Variants in STS observed in about 807,000 individuals in gnomAD.
STS encodes steryl-sulfatase.
STS carries 7 observed loss-of-function variants against 26.8 expected under a neutral mutation model. The ratio of observed to expected loss-of-function variants is 0.26; its 90% CI spans 0.15 to 0.49. The LOEUF (loss-of-function observed/expected upper bound fraction) is 0.49. Among genes scored for constraint, STS ranks in the 20% least tolerant of loss-of-function variants. The probability of loss-of-function intolerance (pLI) is 0.98; values close to 1 mark genes in which losing one functional copy is unlikely to be tolerated. For missense variants in STS, 434 were observed against 465.6 expected (o/e 0.93, Z 0.63); for synonymous variants, 199 against 189.4 (o/e 1.05, Z -0.42).
intron 7 of STS, among the ~76,000 whole-genome samples, chrX:7,278,433 C>T (rs1365875640): frequency 8.9e-6 from 1 of 112,287 alleles, no homozygotes; most frequent in East Asian, 2.8e-4. Flanking sequence ...AGCATGTTCT[C>T]TCCACATGTT....
intron 2 of STS, among the ~76,000 whole-genome samples, chrX:7,220,730 T>C (rs1184929214): frequency 9.2e-6 from 1 of 108,615 alleles, no homozygotes; most frequent in African/African-American, 3.4e-5. Context: ...TTTGTATTTT[T>C]AGTAGAGACG....
intron 1 of STS, among the ~76,000 whole-genome samples, chrX:7,160,770 T>A (rs1315830369): frequency 1.8e-5 from 2 of 111,737 alleles, no homozygotes; most frequent in Non-Finnish European, 3.8e-5. Context: ...TTAACAGTTG[T>A]TTCACTCTTT....
intron 2 of STS, among the ~76,000 whole-genome samples, chrX:7,228,794 A>T (rs1921929861): frequency 8.9e-6 from 1 of 112,202 alleles, no homozygotes; most frequent in African/African-American, 3.2e-5. Context: ...GTATCTTTTG[A>T]TGAATAGAAA....
At chrX:7,223,880 A>G (rs1921685470) in intron 2 of STS, among the ~76,000 whole-genome samples, 1 of 111,389 alleles carries the variant, frequency 9.0e-6, no homozygotes, top group Non-Finnish European at 1.9e-5. Context: ...GAAGACATAG[A>G]CTACATAGAC....
intron 1 of STS, among the ~76,000 whole-genome samples, chrX:7,173,547 A>T (rs779313143): frequency 1.8e-5 from 2 of 112,386 alleles, no homozygotes; most frequent in South Asian, 3.7e-4. Context: ...ACTAATTTAC[A>T]TTCCGACCAA....
At chrX:7,297,581 CAT>C (rs1439040610) in intron 7 of STS, among the ~76,000 whole-genome samples, 1 of 111,685 alleles carries the variant, frequency 9.0e-6, no homozygotes, top group African/African-American at 3.3e-5. Flanking sequence ...TAACTTATGA[CAT>C]GTGAAAGTGA....
At chrX:7,341,460 C>A (rs1441593155) in intron 10 of STS, among the ~76,000 whole-genome samples, 1 of 111,593 alleles carries the variant, frequency 9.0e-6, no homozygotes, top group Non-Finnish European at 1.9e-5. Context: ...TTCCTGGGGG[C>A]CAAATGACTT....
In STS at chrX:7,351,413, C is replaced by T. The variant is rs1330937640; in HGVS notation, c.*1152C>T. The T allele has an allele frequency of 2.7e-5, 3 of 112,056 alleles. No homozygotes were observed. Among genetic ancestry groups the T allele is most frequent in the Admixed American group, 9.5e-5 (1 of 10,551 alleles). The allele number at this position is 112,056 out of a possible 1,213,427, so 9.2% of individuals were successfully genotyped here. Reference sequence around the variant, plus strand: ...ATGATTTTGTTTTCATCCCATTTCCCCCAAGCCCCTGTAAATCAGGGAAAA... The same window carrying T: ...ATGATTTTGTTTTCATCCCATTTCCTCCAAGCCCCTGTAAATCAGGGAAAA... On this transcript the variant is annotated 3_prime_UTR_variant, in exon 11 of 11. Coordinates refer to ENST00000674429, the MANE Select transcript of STS (RefSeq NM_001320752.2).
Position 7,154,241 on chromosome X carries a change from C to T in STS, c.-134+6158C>T, listed in dbSNP as rs762572055. Among the ~76,000 whole-genome samples the T allele has an allele frequency of 1.5e-3, 164 of 112,018 alleles. 1 individual carries two copies. The highest frequency in any genetic ancestry group is 4.2e-3 in the Middle Eastern group (1 of 238). On this transcript the variant is annotated intron_variant, in intron 1 of 10. Coordinates refer to ENST00000674429, the MANE Select transcript of STS (RefSeq NM_001320752.2). Reference sequence around the variant, plus strand: ...AGAGCTGAATGCCATCTCTAATGTGCGCCTTGCGTCGTCTCTGCTTCTGAA... The same window carrying T: ...AGAGCTGAATGCCATCTCTAATGTGTGCCTTGCGTCGTCTCTGCTTCTGAA...
intron 8 of STS, among the ~76,000 whole-genome samples, chrX:7,311,123 A>G (rs1303228732): frequency 9.0e-6 from 1 of 110,633 alleles, no homozygotes; most frequent in Non-Finnish European, 1.9e-5. Flanking sequence ...AGTTTATCTG[A>G]CATTGGTCAT....
chrX:7,284,432 TG>T (rs1469128651), intron 7 of STS, among the ~76,000 whole-genome samples: 2 of 111,409 alleles, frequency 1.8e-5, no homozygotes, highest in African/African-American at 3.3e-5. Flanking sequence ...TCTTCATAGC[TG>T]TGGCACACAT....
intron 1 of STS, among the ~76,000 whole-genome samples, chrX:7,155,518 T>A (rs1359070997): frequency 1.8e-5 from 2 of 112,546 alleles, no homozygotes; most frequent in African/African-American, 3.2e-5. Flanking sequence ...ATGTATACCA[T>A]GCATATGTTA....
At position 7,262,047 on chromosome X, in the gene STS, A is replaced by G. The variant is rs767371005; in HGVS notation, c.806+2275A>G. On this transcript the variant is annotated intron_variant, in intron 6 of 10. Coordinates refer to ENST00000674429, the MANE Select transcript of STS (RefSeq NM_001320752.2). Reference sequence around the variant, plus strand: ...GTTTCAGCCTCTGGGACTTGGCTCCAGAGAGTATTCTATGTACTAGCTGCC... The same window carrying G: ...GTTTCAGCCTCTGGGACTTGGCTCCGGAGAGTATTCTATGTACTAGCTGCC... 2.7e-5 allele frequency among the ~76,000 whole-genome samples: 3 copies of G among 112,264 alleles called. No homozygotes were observed. In the East Asian group the frequency reaches 8.4e-4, roughly 32 times the overall value.
intron 7 of STS, among the ~76,000 whole-genome samples, chrX:7,287,061 G>A (rs1925168066): frequency 9.0e-6 from 1 of 111,304 alleles, no homozygotes; most frequent in African/African-American, 3.3e-5. Flanking sequence ...TGAGATGCTC[G>A]CTGACTGTCC....
intron 8 of STS, among the ~76,000 whole-genome samples, chrX:7,322,519 T>G (rs1408039711): frequency 9.9e-5 from 11 of 111,520 alleles, no homozygotes; most frequent in Non-Finnish European, 2.1e-4. Context: ...TCGTGCCTCA[T>G]CCTCCCAAGT....
intron 2 of STS, among the ~76,000 whole-genome samples, chrX:7,216,736 C>T (rs1267052896): frequency 9.0e-6 from 1 of 111,579 alleles, no homozygotes; most frequent in Non-Finnish European, 1.9e-5. Context: ...ACAAGTGGCT[C>T]AGCTAACTTA....
At chrX:7,173,979 G>A (rs1933517742) in intron 1 of STS, among the ~76,000 whole-genome samples, 2 of 111,579 alleles carry the variant, frequency 1.8e-5, no homozygotes, top group Non-Finnish European at 3.8e-5. Context: ...TTGGGGTTTG[G>A]GAAAACAGAG....
chrX:7,244,017 C>T (rs1459027202), intron 2 of STS, among the ~76,000 whole-genome samples: 2 of 111,055 alleles, frequency 1.8e-5, no homozygotes, highest in African/African-American at 3.3e-5. Context: ...TGCAGTGAGT[C>T]GAGATCACAC....
intron 2 of STS, among the ~76,000 whole-genome samples, chrX:7,246,378 T>C (rs1429454317): frequency 9.1e-6 from 1 of 109,628 alleles, no homozygotes; most frequent in East Asian, 2.9e-4. Context: ...CTCGGCTCAC[T>C]GCAAGCTCTG....
Sources: gnomAD v4.1 joint callset for allele counts (sites outside exome capture counted in the v4.1 genomes callset) on GRCh38, gnomAD v4.1.1 for gene constraint, MANE v1.5 for transcripts, NCBI Gene and HGNC (gene_info 2026-07-23, HGNC 2026-07-21) for gene names.